TDRKH: variants seen among roughly 807,000 people sequenced by gnomAD.
The protein encoded by TDRKH is tudor and KH domain-containing protein.
A neutral mutation model predicts 61.3 loss-of-function variants in TDRKH; 28 were observed. That is an observed-to-expected ratio of 0.46 (90% CI 0.34 to 0.63). The LOEUF is 0.63. TDRKH is among the 20% of genes least tolerant of loss of function. The probability of loss-of-function intolerance (pLI) is 0.01; values close to 1 mark genes in which losing one functional copy is unlikely to be tolerated. For missense variants in TDRKH, 540 were observed against 683.4 expected (o/e 0.79, Z 2.34); for synonymous variants, 219 against 244.4 (o/e 0.90, Z 0.97).
rs1649191771 is a variant in TDRKH, at chr1:151,776,450, CA to C, written c.1032del (p.Tyr344Ter). The C allele has an allele frequency of 6.2e-7, 1 of 1,614,082 alleles. No homozygotes were observed. The highest frequency in any genetic ancestry group is 1.7e-5 in the Admixed American group (1 of 60,012). ...CTATGGCAACTCACCACACTATTCT[CA>C]TAGTGCTGGGTCATCTCATTGACAA... The part of the protein sequence containing the change: ...DKLVNEMTQH[Y>X]ENSVPEDLTV... On this transcript the variant is annotated frameshift_variant, in exon 7 of 13. Transcript: ENST00000368824. LOFTEE classifies it high-confidence loss of function.
downstream of TDRKH, chr1:151,771,342 C>G: frequency 5.5e-6 from 8 of 1,448,092 alleles, no homozygotes; most frequent in African/African-American, 8.7e-5. Flanking sequence ...CAAGTGTTCA[C>G]GGTTTCTTGG....
chr1:151,781,588 C>T lies in TDRKH; in HGVS notation c.125-1G>A, dbSNP rs1572001962. 6.2e-7 allele frequency: 1 copy of T among 1,612,960 alleles called. No individual in the cohort carries two copies. The highest frequency in any genetic ancestry group is 8.5e-7 in the Non-Finnish European group (1 of 1,179,384). ...TCCCCAACAAATGTCAGCCGCTCTTCTGCACAGATCATTGTTCATCAGATC... is the reference window on the plus strand; with the variant it reads ...TCCCCAACAAATGTCAGCCGCTCTTTTGCACAGATCATTGTTCATCAGATC... On this transcript the variant is annotated splice_acceptor_variant, in intron 2 of 12. Transcript: ENST00000368824. LOFTEE classifies it high-confidence loss of function.
downstream of TDRKH, chr1:151,768,141 C>CCAGA: frequency 1.2e-6 from 2 of 1,614,056 alleles, no homozygotes; most frequent in Non-Finnish European, 1.7e-6. Flanking sequence ...GCCTTACCTC[C>CCAGA]CAGACCTCTG....
downstream of TDRKH, chr1:151,768,357 G>A: frequency 7.2e-7 from 1 of 1,390,998 alleles, no homozygotes; most frequent in Non-Finnish European, 9.7e-7. Flanking sequence ...CTGGCATGCA[G>A]ACAAGCCTGT....
At position 151,781,343 on chromosome 1, in the gene TDRKH, A is replaced by ATATATATATT. The variant is rs1491039334; in HGVS notation, c.231+137_231+138insAATATATATA. The ATATATATATT allele has an allele frequency of 2.8e-4, 46 of 165,598 alleles. 2 individuals carry two copies. The East Asian group carries it at 2.8e-3, about 10-fold the overall frequency. 10.3% of individuals were successfully genotyped at this position (165,598 alleles called of 1,614,324 possible). On this transcript the variant is annotated intron_variant, in intron 3 of 12. Coordinates refer to ENST00000368824, the MANE Select transcript of TDRKH (RefSeq NM_001083965.2). ...AAAAAAAAAAAATATATATATATAT[A>ATATATATATT]TTTTATATATACACACACACATACA...
At chr1:151,786,964 C>T (rs1430506277) in intron 1 of TDRKH, among the ~76,000 whole-genome samples, 2 of 152,134 alleles carry the variant, frequency 1.3e-5, no homozygotes, top group Non-Finnish European at 2.9e-5. Context: ...AGGTTCTTTT[C>T]CCAAGTCATT....
chr1:151,768,278 A>C (rs1163306427), downstream of TDRKH: 2 of 1,571,048 alleles, frequency 1.3e-6, no homozygotes, highest in Non-Finnish European at 1.7e-6. Context: ...TAGGTAGGGG[A>C]TTTCACCCTT....
intron 1 of TDRKH, among the ~76,000 whole-genome samples, chr1:151,787,638 G>T (rs1012888055): frequency 6.6e-6 from 1 of 151,918 alleles, no homozygotes; most frequent in African/African-American, 2.4e-5. Context: ...GGAGGAAGAA[G>T]AATTTCTACT....
downstream of TDRKH, chr1:151,769,568 G>C (rs1241079931): frequency 5.0e-6 from 1 of 201,470 alleles, no homozygotes; most frequent in East Asian, 1.7e-4. Context: ...GCTGGGCGGA[G>C]ACGCTCCTCA....
downstream of TDRKH, among the ~76,000 whole-genome samples, chr1:151,772,217 C>T (rs1648744050): frequency 6.6e-6 from 1 of 152,094 alleles, no homozygotes; most frequent in African/African-American, 2.4e-5. Context: ...CCTCCCACCT[C>T]AGCCTCTCAA....
At chr1:151,767,239 C>A (rs1648397707), downstream of TDRKH, 4 of 1,614,026 alleles carry the variant, frequency 2.5e-6, no homozygotes, top group Non-Finnish European at 3.4e-6. Context: ...CCCTAGTAGG[C>A]CTCCAGGAGG....
chr1:151,766,757 CCTTT>C, downstream of TDRKH: 1 of 1,559,692 alleles, frequency 6.4e-7, no homozygotes, highest in African/African-American at 1.4e-5. Context: ...CTGTCTACTC[CCTTT>C]CTTATATCAA....
In TDRKH at chr1:151,778,927, C is replaced by A. The variant is rs191124174; in HGVS notation, c.641G>T (p.Arg214Leu). The A allele has an allele frequency of 6.2e-7, 1 of 1,614,154 alleles. No individual in the cohort carries two copies. Among genetic ancestry groups the A allele is most frequent in the East Asian group, 2.2e-5 (1 of 44,872 alleles). The change falls in exon 6 of 13, where the codon CGC (arginine) becomes CTC (leucine). Residue 214 changes from arginine (R) to leucine (L), a missense_variant. By Grantham distance (102) the Arg-to-Leu change is moderately radical. Coordinates refer to ENST00000368824, the MANE Select transcript of TDRKH (RefSeq NM_001083965.2). ...TCTTCTCACACTGATTGGCTGTTTG[C>A]GTGGGACCCTGGTTTCTGCAGAATG... is the stretch of plus-strand genomic sequence containing the variant. The part of the protein sequence containing the change: ...IAHSAETRVP[R>L]KQPISVRRED...
chr1:151,788,799 A>G (rs1333234257), intron 1 of TDRKH, among the ~76,000 whole-genome samples: 3 of 152,220 alleles, frequency 2.0e-5, no homozygotes, highest in Non-Finnish European at 2.9e-5. Context: ...ATCAAGATCA[A>G]GTGCAGAGGG....
intron 3 of TDRKH, among the ~76,000 whole-genome samples, 153 bp downstream of exon 3, chr1:151,781,328 A>ATATATATATATATATATATAT (rs1553282748): frequency 1.3e-4 from 9 of 68,588 alleles, no homozygotes; most frequent in African/African-American, 2.4e-4. Context: ...AAAAAAAAAA[A>ATATATATATATATATATATAT]ATATATATAT....
chr1:151,771,335 G>C (rs1235790081), downstream of TDRKH: 3 of 1,507,738 alleles, frequency 2.0e-6, no homozygotes, highest in Non-Finnish European at 2.6e-6. Flanking sequence ...CAATCATCAA[G>C]TGTTCACGGT....
At chr1:151,767,995 C>A, downstream of TDRKH, 1 of 1,592,458 alleles carries the variant, frequency 6.3e-7, no homozygotes, top group South Asian at 1.1e-5. Flanking sequence ...CTTCAACGGA[C>A]ACACCCCCAT....
rs1445067120 is a variant in TDRKH at position 151,776,014 on chromosome 1, C to T, written c.1217+82G>A. The T allele has an allele frequency of 2.5e-6, 4 of 1,570,810 alleles. No individual in the cohort carries two copies. The African/African-American group carries it at 4.1e-5, about 16-fold the overall frequency. On this transcript the variant is annotated intron_variant, in intron 8 of 12. Coordinates refer to ENST00000368824, the MANE Select transcript of TDRKH (RefSeq NM_001083965.2). Reference sequence around the variant, plus strand: ...TCTGTAAACAGGTTCCCTTCCAAATCCCCCTGACAACTGCCAACAGCTCAC... The same window carrying T: ...TCTGTAAACAGGTTCCCTTCCAAATTCCCCTGACAACTGCCAACAGCTCAC...
Position 151,775,440 on chromosome 1 carries a change from C to A in TDRKH, c.1386G>T (p.Gly462=). 1 of 1,614,054 alleles carries A rather than the reference C, an allele frequency of 6.2e-7. No homozygotes were observed. Among genetic ancestry groups the A allele is most frequent in the Non-Finnish European group, 8.5e-7 (1 of 1,180,002 alleles). ...VAKISSYVQT[G]ISTWPKIYLY... ...AGTAGATCTTTGGCCAAGTTGAGATCCCAGTCTGGACATAGCTAGAGATCT... is the reference window on the plus strand; with the variant it reads ...AGTAGATCTTTGGCCAAGTTGAGATACCAGTCTGGACATAGCTAGAGATCT... Residue 462 remains glycine, a synonymous_variant, in exon 10 of 13, where the codon GGG becomes GGT. Coordinates refer to ENST00000368824, the MANE Select transcript of TDRKH (RefSeq NM_001083965.2).
Sources: allele counts gnomAD v4.1 joint callset (sites outside exome capture counted in the v4.1 genomes callset), GRCh38; gene constraint gnomAD v4.1.1; transcripts MANE v1.5; gene names NCBI Gene and HGNC (gene_info 2026-07-23, HGNC 2026-07-21).